The following PI4K2A variants were observed in gnomAD, a reference collection of about 807,000 sequenced individuals.
The protein encoded by PI4K2A is phosphatidylinositol 4-kinase type 2-alpha.
Under a neutral mutation model 55.0 loss-of-function variants are expected in PI4K2A, and 20 were observed. The observed-to-expected ratio is 0.36, with a 90% confidence interval of 0.26 to 0.53. PI4K2A has a LOEUF of 0.53. Ranked by LOEUF, PI4K2A falls within the 20% of genes least tolerant of loss-of-function variation. The probability of loss-of-function intolerance (pLI) is 0.91; values close to 1 mark genes in which losing one functional copy is unlikely to be tolerated. For synonymous variants in PI4K2A, 235 were observed against 258.5 expected (o/e 0.91, Z 0.87); for missense variants, 463 against 637.1 (o/e 0.73, Z 2.94).
chr10:97,652,834 A>G (rs1170122757), intron 2 of PI4K2A, among the ~76,000 whole-genome samples: 1 of 152,194 alleles, frequency 6.6e-6, no homozygotes, highest in East Asian at 1.9e-4. Flanking sequence ...AAAATACTAT[A>G]TTTATAGTAA....
rs538431711 is a variant in PI4K2A, at chr10:97,650,844, A to G, written c.436-97A>G. 26 of 874,780 alleles carry G rather than the reference A, an allele frequency of 3.0e-5. No individual in the cohort carries two copies. In the African/African-American group the frequency reaches 3.0e-4, roughly 10 times the overall value. 54.2% of individuals were successfully genotyped at this position (874,780 alleles called of 1,614,324 possible). A position where few individuals can be genotyped will look rare whatever the true frequency, so the allele number is the denominator to read the frequency against. The stretch of plus-strand genomic sequence containing the variant: ...AACTGTAAGTAGGAATTGTCTGCCT[A>G]TGCCCTGTCATTTCTTTCCAGATTC... On this transcript the variant is annotated intron_variant, in intron 1 of 8. Transcript: ENST00000370631.
chr10:97,672,722 G>GTTTTTTTTTTTTTTTTTTTTTTTTTT (rs201709914), intron 8 of PI4K2A, among the ~76,000 whole-genome samples: 3 of 94,790 alleles, frequency 3.2e-5, no homozygotes, highest in African/African-American at 5.1e-5. Flanking sequence ...CAGAGGGTCT[G>GTTTTTTTTTTTTTTTTTTTTTTTTTT]TTCTTTTTTT....
In PI4K2A at chr10:97,651,593, C is replaced by G. The variant is rs2041530370; in HGVS notation, c.636+452C>G. 1.3e-5 allele frequency among the ~76,000 whole-genome samples: 2 copies of G among 152,176 alleles called. 1 individual carries two copies. Among genetic ancestry groups the G allele is most frequent in the South Asian group, 4.1e-4 (2 of 4,830 alleles). ...CTGAGGGTTAGAACAATGGTCTGGCCTGAACCCTACAGGGAACTGACATGG... is the reference window on the plus strand; with the variant it reads ...CTGAGGGTTAGAACAATGGTCTGGCGTGAACCCTACAGGGAACTGACATGG... On this transcript the variant is annotated intron_variant, in intron 2 of 8. Coordinates refer to ENST00000370631, the Ensembl canonical transcript of PI4K2A.
chr10:97,649,662 C>T (rs2041521696), intron 1 of PI4K2A, among the ~76,000 whole-genome samples: 1 of 107,612 alleles, frequency 9.3e-6, no homozygotes, highest in Non-Finnish European at 1.8e-5. Flanking sequence ...TTGGTCTTGT[C>T]ACCCAGGCTG....
chr10:97,661,286 C>T (rs540118712), intron 4 of PI4K2A, among the ~76,000 whole-genome samples: 8 of 152,028 alleles, frequency 5.3e-5, no homozygotes, highest in South Asian at 4.2e-4. Flanking sequence ...CCACCGCGCC[C>T]GGCCACTGCT....
intron 1 of PI4K2A, among the ~76,000 whole-genome samples, chr10:97,646,969 A>G (rs569046039): frequency 1.2e-3 from 182 of 150,430 alleles, no homozygotes; most frequent in Non-Finnish European, 2.3e-3. Flanking sequence ...TTTTGTAGAG[A>G]TGGGGTTTCA....
intron 4 of PI4K2A, among the ~76,000 whole-genome samples, chr10:97,661,556 A>G (rs1038653499): frequency 2.0e-5 from 3 of 150,164 alleles, no homozygotes; most frequent in Non-Finnish European, 3.0e-5. Flanking sequence ...GGATCTCACT[A>G]TGTTGCCCAG....
At chr10:97,645,262 C>T (rs2041499420) in intron 1 of PI4K2A, among the ~76,000 whole-genome samples, 1 of 152,014 alleles carries the variant, frequency 6.6e-6, no homozygotes, top group Admixed American at 6.6e-5. Flanking sequence ...TAAAAACATT[C>T]CTACTAACTG....
chr10:97,656,398 C>T lies in PI4K2A; in HGVS notation c.750C>T (p.Arg250=). 6.2e-7 allele frequency: 1 copy of T among 1,614,070 alleles called. No individual in the cohort carries two copies. Among genetic ancestry groups the T allele is most frequent in the East Asian group, 2.2e-5 (1 of 44,888 alleles). The change falls in exon 3 of 9, where the codon CGC becomes CGT. Residue 250 remains arginine, a synonymous_variant. Coordinates refer to ENST00000370631, the Ensembl canonical transcript of PI4K2A. This position sits in a 1 kb window ranked among gnomAD's most constrained non-coding sequence, Gnocchi z 4.5. Reference sequence around the variant, plus strand: ...CAAAAGTTGGACAGCGGTTTAACCGCATCGGGCTACCACCAAAGGTATAGA... The same window carrying T: ...CAAAAGTTGGACAGCGGTTTAACCGTATCGGGCTACCACCAAAGGTATAGA...
intron 4 of PI4K2A, among the ~76,000 whole-genome samples, chr10:97,660,150 T>C (rs532123402): frequency 5.3e-5 from 8 of 151,070 alleles, no homozygotes; most frequent in East Asian, 1.9e-4. Context: ...TACAGGCGCC[T>C]GCTACCACGC....
At chr10:97,653,455 A>T (rs1271692451) in intron 2 of PI4K2A, among the ~76,000 whole-genome samples, 1 of 152,258 alleles carries the variant, frequency 6.6e-6, no homozygotes, top group East Asian at 1.9e-4. Context: ...TGCCAGGCAC[A>T]ACGTAAACCC....
exon 7 of PI4K2A, chr10:97,666,469 G>A (rs372605084): frequency 8.1e-6 from 13 of 1,613,338 alleles, no homozygotes; most frequent in South Asian, 4.4e-5. Context: ...TGCCCCAGGC[G>A]AAAGTCCCAT....
intron 1 of PI4K2A, among the ~76,000 whole-genome samples, chr10:97,647,269 G>A (rs912466351): frequency 2.0e-5 from 3 of 151,994 alleles, no homozygotes; most frequent in African/African-American, 7.3e-5. Context: ...TATAATATTG[G>A]CATCAAACTG....
intron 1 of PI4K2A, among the ~76,000 whole-genome samples, chr10:97,645,210 C>T (rs929733441): frequency 6.6e-6 from 1 of 152,154 alleles, no homozygotes; most frequent in Non-Finnish European, 1.5e-5. Context: ...AAAGCCCTGA[C>T]GTAGTTCCTG....
chr10:97,664,453 G>A (rs940917476), intron 5 of PI4K2A, among the ~76,000 whole-genome samples: 1 of 152,212 alleles, frequency 6.6e-6, no homozygotes. Context: ...TTTCTCACTG[G>A]AAAATGTAGT....
chr10:97,657,413 C>G (rs1203504822), intron 4 of PI4K2A, among the ~76,000 whole-genome samples: 2 of 152,034 alleles, frequency 1.3e-5, no homozygotes, highest in Non-Finnish European at 2.9e-5. Flanking sequence ...CATGCGTGTA[C>G]TCCCAGCACT....
At chr10:97,646,319 A>G (rs770000866) in intron 1 of PI4K2A, among the ~76,000 whole-genome samples, 1 of 151,786 alleles carries the variant, frequency 6.6e-6, no homozygotes, top group Non-Finnish European at 1.5e-5. Context: ...GGTTCAAGCA[A>G]TTCTCCTGCT....
chr10:97,649,609 ATTTTTTTTTT>A (rs60329004), intron 1 of PI4K2A, among the ~76,000 whole-genome samples: 250 of 70,548 alleles, frequency 3.5e-3, no homozygotes, highest in Non-Finnish European at 6.0e-3. Flanking sequence ...TCCATAATAG[ATTTTTTTTTT>A]TTTTTTTTTT....
intron 8 of PI4K2A, among the ~76,000 whole-genome samples, chr10:97,668,093 C>G (rs1273823517): frequency 6.6e-6 from 1 of 152,292 alleles, no homozygotes; most frequent in Middle Eastern, 3.4e-3. Flanking sequence ...CTGTAGGGTA[C>G]TGGTATTATG....
Sources: gnomAD v4.1 joint callset for allele counts (sites outside exome capture counted in the v4.1 genomes callset) on GRCh38, gnomAD v4.1.1 for gene constraint, Gnocchi (gnomAD v3.1) non-coding constraint, MANE v1.5 for transcripts, NCBI Gene and HGNC (gene_info 2026-07-23, HGNC 2026-07-21) for gene names.